SLC2A9: variants seen among roughly 807,000 people sequenced by gnomAD.
SLC2A9 encodes the protein solute carrier family 2, facilitated glucose transporter member 9.
Under a neutral mutation model 50.6 loss-of-function variants are expected in SLC2A9, and 39 were observed. That is an observed-to-expected ratio of 0.77 (90% confidence interval 0.60 to 1.01). SLC2A9 has a LOEUF of 1.01. SLC2A9 is among the 50% of genes least tolerant of loss of function. The pLI is 0.00. For synonymous variants in SLC2A9, 324 were observed against 276.9 expected (o/e 1.17, Z -1.69); for missense variants, 686 against 677.6 (o/e 1.01, Z -0.14).
chr4:9,802,551 G>GTTTT (rs1721572976), intron 3 of SLC2A9, among the ~76,000 whole-genome samples: 1 of 130,508 alleles, frequency 7.7e-6, no homozygotes, highest in African/African-American at 2.9e-5. Context: ...GGTTTTTTTT[G>GTTTT]TTCTTTTCTT....
chr4:9,859,973 G>A (rs575659137), intron 10 of SLC2A9, among the ~76,000 whole-genome samples: 1 of 152,300 alleles, frequency 6.6e-6, no homozygotes, highest in East Asian at 1.9e-4. Flanking sequence ...AGGGTGTGGA[G>A]AGCAAAAACC....
chr4:9,984,351 A>G (rs1756361117), intron 4 of SLC2A9, among the ~76,000 whole-genome samples: 1 of 152,220 alleles, frequency 6.6e-6, no homozygotes, highest in South Asian at 2.1e-4. Context: ...GACATCGACA[A>G]GGAAGGGAAT....
intron 10 of SLC2A9, among the ~76,000 whole-genome samples, chr4:9,837,702 T>C (rs1171926730): frequency 2.0e-5 from 3 of 152,170 alleles, no homozygotes; most frequent in African/African-American, 4.8e-5. Flanking sequence ...GTTTGCAGGA[T>C]TGATGAAAGA....
At chr4:9,802,214 A>G (rs1214219736) in intron 3 of SLC2A9, among the ~76,000 whole-genome samples, 1 of 152,104 alleles carries the variant, frequency 6.6e-6, no homozygotes, top group Non-Finnish European at 1.5e-5. Flanking sequence ...ATTTGATTAG[A>G]GACAGGGCAT....
At position 9,950,911 on chromosome 4, in the gene SLC2A9, A is replaced by G. The variant is rs1192947358; in HGVS notation, c.682-8866T>C. 1.0e-4 allele frequency among the ~76,000 whole-genome samples: 3 copies of G among 29,190 alleles called. 1 individual carries two copies. The highest frequency in any genetic ancestry group is 1.6e-4 in the Non-Finnish European group (3 of 18,258). 19.1% of individuals were successfully genotyped at this position (29,190 alleles called of 152,430 possible). A position where few individuals can be genotyped will look rare whatever the true frequency, so the allele number is the denominator to read the frequency against. On this transcript the variant is annotated intron_variant, in intron 5 of 11. Transcript: ENST00000264784. ...CCGTCTCAAAAAAAAAAAAAAAAAA[A>G]AAAAAAAAGAAAACAGTATGGAGAT...
At chr4:9,962,976 G>A (rs1453370796) in intron 5 of SLC2A9, among the ~76,000 whole-genome samples, 5 of 152,188 alleles carry the variant, frequency 3.3e-5, no homozygotes, top group Non-Finnish European at 5.9e-5. Flanking sequence ...TTGTCCTCCA[G>A]ACCCCAAGGT....
chr4:9,990,703 A>T (rs1267052740), intron 3 of SLC2A9, among the ~76,000 whole-genome samples: 1 of 152,060 alleles, frequency 6.6e-6, no homozygotes, highest in Non-Finnish European at 1.5e-5. Flanking sequence ...CTTGTTTTGG[A>T]TGTGTTGACT....
At chr4:10,015,529 G>A (rs1199587094) in intron 2 of SLC2A9, among the ~76,000 whole-genome samples, 3 of 152,184 alleles carry the variant, frequency 2.0e-5, no homozygotes, top group African/African-American at 4.8e-5. Context: ...TGCAAGGATA[G>A]GGCATGTTGA....
chr4:9,830,951 G>T (rs1391511550), intron 11 of SLC2A9, among the ~76,000 whole-genome samples: 1 of 152,174 alleles, frequency 6.6e-6, no homozygotes, highest in Non-Finnish European at 1.5e-5. Flanking sequence ...TACAGGTGAG[G>T]AAACCCAGGC....
At chr4:10,003,818 T>C (rs1462745222) in intron 2 of SLC2A9, among the ~76,000 whole-genome samples, 3 of 152,234 alleles carry the variant, frequency 2.0e-5, no homozygotes, top group Non-Finnish European at 4.4e-5. Context: ...GCAGTAACCA[T>C]ATAATAATAA....
intron 5 of SLC2A9, among the ~76,000 whole-genome samples, chr4:9,972,939 G>T (rs1754150431): frequency 6.6e-6 from 1 of 152,058 alleles, no homozygotes; most frequent in Admixed American, 6.6e-5. Context: ...AAAAGAAACA[G>T]CTATAAAATC....
At chr4:9,850,302 G>A (rs575150515) in intron 10 of SLC2A9, among the ~76,000 whole-genome samples, 1 of 152,298 alleles carries the variant, frequency 6.6e-6, no homozygotes, top group African/African-American at 2.4e-5. Flanking sequence ...AGGTGGCAGG[G>A]GCAGGACTCC....
At chr4:9,892,605 G>C (rs1422870653) in intron 8 of SLC2A9, among the ~76,000 whole-genome samples, 1 of 152,200 alleles carries the variant, frequency 6.6e-6, no homozygotes. Flanking sequence ...TCCCCACCTG[G>C]AAAATGAGAA....
intron 3 of SLC2A9, among the ~76,000 whole-genome samples, chr4:9,992,171 C>T (rs541635305): frequency 6.6e-6 from 1 of 152,168 alleles, no homozygotes; most frequent in South Asian, 2.1e-4. Context: ...ACCAAGAAAC[C>T]TTCCTGCCTG....
intron 3 of SLC2A9, among the ~76,000 whole-genome samples, chr4:9,802,377 T>G (rs762978993): frequency 2.0e-5 from 3 of 151,838 alleles, no homozygotes; most frequent in Non-Finnish European, 4.4e-5. Context: ...GTCTGCAGGC[T>G]GGCCCCTGCA....
intron 2 of SLC2A9, among the ~76,000 whole-genome samples, chr4:10,004,983 T>C (rs1760519367): frequency 1.3e-5 from 2 of 152,194 alleles, no homozygotes; most frequent in Admixed American, 6.5e-5. Context: ...ACTTTTTCAT[T>C]CAGCCAACAG....
At chr4:9,821,817 T>C (rs189889897), downstream of SLC2A9, among the ~76,000 whole-genome samples, 1 of 152,272 alleles carries the variant, frequency 6.6e-6, no homozygotes, top group African/African-American at 2.4e-5. Flanking sequence ...GTAGATATTT[T>C]CCCTCAGTAT....
chr4:9,949,236 T>A (rs1749761064), intron 5 of SLC2A9, among the ~76,000 whole-genome samples: 1 of 152,184 alleles, frequency 6.6e-6, no homozygotes, highest in South Asian at 2.1e-4. Context: ...TTTATTTATC[T>A]GCCCAGTGCC....
intron 3 of SLC2A9, among the ~76,000 whole-genome samples, chr4:9,802,910 T>G (rs1296166250): frequency 3.3e-5 from 5 of 152,180 alleles, no homozygotes; most frequent in Non-Finnish European, 7.3e-5. Context: ...TATTTCCCAA[T>G]TGTACTCTAT....
Sources: allele counts gnomAD v4.1 joint callset (sites outside exome capture counted in the v4.1 genomes callset), GRCh38; gene constraint gnomAD v4.1.1; transcripts MANE v1.5; gene names NCBI Gene and HGNC (gene_info 2026-07-23, HGNC 2026-07-21).